Variants in NPC1 observed in about 807,000 individuals in gnomAD.
The protein encoded by NPC1 is Niemann-Pick C1 protein.
A neutral mutation model predicts 140.4 loss-of-function variants in NPC1; 85 were observed. That is an observed-to-expected ratio of 0.61 (90% CI 0.51 to 0.72). The LOEUF is 0.72. NPC1 is among the 30% of genes least tolerant of loss of function. The pLI is 0.00. For synonymous variants in NPC1, 656 were observed against 624.8 expected, an observed-to-expected ratio of 1.05 and a Z score of -0.74; for missense variants, 1,504 against 1,623.8, an observed-to-expected ratio of 0.93 and a Z score of 1.27.
intron 4 of NPC1, among the ~76,000 whole-genome samples, chr18:23,566,742 G>C (rs763905740): frequency 6.6e-6 from 1 of 152,166 alleles, no homozygotes; most frequent in Non-Finnish European, 1.5e-5. Flanking sequence ...TAAGTATGTA[G>C]TACTTTTGTT....
At chr18:23,516,221 G>T in intron 3 of NPC1, 2 of 1,443,174 alleles carry the variant, frequency 1.4e-6, no homozygotes, top group Non-Finnish European at 9.7e-7. Flanking sequence ...AGGATCCAAA[G>T]ACGAAGTCTG....
At chr18:23,568,278 CTTA>C (rs1476046127) in intron 4 of NPC1, among the ~76,000 whole-genome samples, 1 of 152,042 alleles carries the variant, frequency 6.6e-6, no homozygotes, top group Non-Finnish European at 1.5e-5. Flanking sequence ...TCCTAAGTGC[CTTA>C]TTTTTTGTTG....
downstream of NPC1, among the ~76,000 whole-genome samples, chr18:23,521,492 C>A (rs6507708): frequency 0.49 from 74,255 of 151,992 alleles, 18,347 homozygotes; most frequent in East Asian, 0.61. Context: ...CTGACAGTCA[C>A]AGTAAGTGCT....
At chr18:23,583,753 A>T (rs2059383577) in intron 1 of NPC1, among the ~76,000 whole-genome samples, 1 of 152,246 alleles carries the variant, frequency 6.6e-6, no homozygotes, top group South Asian at 2.1e-4. Context: ...GGAGGAATAC[A>T]AAGGCCTATT....
rs531183549 is a variant in NPC1, at chr18:23,516,739, T to C, written c.432-10097A>G. Among the ~76,000 whole-genome samples the C allele has an allele frequency of 2.4e-4, 36 of 151,974 alleles. No individual in the cohort carries two copies. In the South Asian group the frequency reaches 7.3e-3, roughly 31 times the overall value. ...AGAATTTCTTCTTCTTTTTTTTTTT[T>C]TTTCGAGACAGAGTCTTGTTCTGTC... On this transcript the variant is annotated intron_variant, in intron 3 of 3. Coordinates refer to the NPC1 transcript ENST00000591107.
At chr18:23,584,213 A>G (rs2059388151) in intron 1 of NPC1, among the ~76,000 whole-genome samples, 1 of 152,244 alleles carries the variant, frequency 6.6e-6, no homozygotes, top group East Asian at 1.9e-4. Context: ...GATCTTACAC[A>G]GGACAACTAG....
At chr18:23,537,746 C>T (rs566253209) in intron 20 of NPC1, among the ~76,000 whole-genome samples, 14 of 152,318 alleles carry the variant, frequency 9.2e-5, no homozygotes, top group South Asian at 4.1e-4. Flanking sequence ...ACTTATTTTA[C>T]GTAGGCCAAA....
chr18:23,576,799 G>A (rs1376690104), intron 1 of NPC1: 4 of 168,528 alleles, frequency 2.4e-5, no homozygotes, highest in South Asian at 1.6e-4. Flanking sequence ...TGGTCTCGCT[G>A]GGCTCAGGAG....
chr18:23,581,886 A>T (rs1376852328), intron 1 of NPC1: 1 of 152,138 alleles, frequency 6.6e-6, no homozygotes, highest in Non-Finnish European at 1.5e-5. Context: ...CTGTATTACC[A>T]TTTTTTTATG....
chr18:23,568,457 C>T (rs2059156950), intron 4 of NPC1, among the ~76,000 whole-genome samples: 1 of 152,140 alleles, frequency 6.6e-6, no homozygotes, highest in Non-Finnish European at 1.5e-5. Context: ...GTCATGACCT[C>T]TTCTCTGCCA....
Position 23,531,603 on chromosome 18 carries a change from A to T in NPC1, c.*599T>A, listed in dbSNP as rs1369702075. 20 of 1,607,724 alleles carry T rather than the reference A, an allele frequency of 1.2e-5. No homozygotes were observed. Among genetic ancestry groups the T allele is most frequent in the Non-Finnish European group, 1.4e-5 (17 of 1,178,442 alleles). On this transcript the variant is annotated 3_prime_UTR_variant, in exon 25 of 25. Transcript: ENST00000269228. ...TCATTTCATGCCACATCTAACTGGC[A>T]ATTAAATCTCTTCCTTTCTAGGGGA...
chr18:23,509,236 C>T (rs2057787179), intron 3 of NPC1: 1 of 1,466,472 alleles, frequency 6.8e-7, no homozygotes, highest in African/African-American at 1.5e-5. Context: ...ACTAGTTCAA[C>T]TGAAATTGTC....
intron 1 of NPC1, among the ~76,000 whole-genome samples, chr18:23,573,851 T>C (rs557739227): frequency 3.2e-4 from 48 of 152,306 alleles, no homozygotes; most frequent in African/African-American, 1.0e-3. Context: ...ATGTAAGAAA[T>C]ACTCAATCAC....
rs187843255 is a variant in NPC1 at position 23,571,146 on chromosome 18, T to C, written c.287+928A>G. The stretch of plus-strand genomic sequence containing the variant: ...ATCAACTCTGAATGCAACTGGGAAG[T>C]GAACCAAGTCTGGTAATTATTGTTT... On this transcript the variant is annotated intron_variant, in intron 3 of 24. Coordinates refer to ENST00000269228, the MANE Select transcript of NPC1 (RefSeq NM_000271.5). Among the ~76,000 whole-genome samples, 411 of 152,094 alleles carry C rather than the reference T, an allele frequency of 2.7e-3. 2 individuals carry two copies. Among genetic ancestry groups the C allele is most frequent in the African/African-American group, 9.3e-3 (386 of 41,484 alleles).
At chr18:23,532,719 AG>A (rs1303039197) in intron 24 of NPC1, among the ~76,000 whole-genome samples, 1 of 147,584 alleles carries the variant, frequency 6.8e-6, no homozygotes, top group African/African-American at 2.5e-5. Context: ...TTTTCTTAAA[AG>A]GAACTAGTAT....
Position 23,545,051 on chromosome 18 carries a change from C to A in NPC1, c.1856G>T (p.Ser619Ile). ...GCTAATTACAACGGTGAAGACATCA[C>A]TGTCACTTTCACGATTTAGTTCATC... ...IEDELNRESD[S>I]DVFTVVISYA... The change falls in exon 12 of 25, where the codon AGT becomes ATT. Residue 619 changes from serine to isoleucine, a missense_variant. Coordinates refer to ENST00000269228, the MANE Select transcript of NPC1 (RefSeq NM_000271.5). 6.2e-7 allele frequency: 1 copy of A among 1,608,374 alleles called. No individual in the cohort carries two copies. The highest frequency in any genetic ancestry group is 8.5e-7 in the Non-Finnish European group (1 of 1,176,634).
At chr18:23,546,644 G>A (rs181925840) in intron 11 of NPC1, among the ~76,000 whole-genome samples, 25 of 152,318 alleles carry the variant, frequency 1.6e-4, no homozygotes, top group African/African-American at 5.8e-4. Flanking sequence ...TGCACACAAT[G>A]TGGTATATCC....
At chr18:23,518,013 C>A (rs1043811346), downstream of NPC1, among the ~76,000 whole-genome samples, 1 of 152,220 alleles carries the variant, frequency 6.6e-6, no homozygotes, top group African/African-American at 2.4e-5. Context: ...CCGCCGTGCC[C>A]AGCCAGCATT....
downstream of NPC1, chr18:23,519,044 C>T: frequency 6.2e-7 from 1 of 1,612,718 alleles, no homozygotes; most frequent in Non-Finnish European, 8.5e-7. Flanking sequence ...GCTTGTTGAT[C>T]TGTTTTTTGC....
Sources: gnomAD v4.1 joint callset for allele counts (sites outside exome capture counted in the v4.1 genomes callset) on GRCh38, gnomAD v4.1.1 for gene constraint, MANE v1.5 for transcripts, NCBI Gene and HGNC (gene_info 2026-07-23, HGNC 2026-07-21) for gene names.